DGCR2: variants seen among roughly 807,000 people sequenced by gnomAD.
DGCR2 encodes the protein DiGeorge syndrome critical region gene 2.
Under a neutral mutation model 51.6 loss-of-function variants are expected in DGCR2, and 24 were observed. That is an observed-to-expected ratio of 0.47 (90% confidence interval 0.34 to 0.65). DGCR2 has a LOEUF of 0.65. Among genes scored for constraint, DGCR2 ranks in the 30% least tolerant of loss-of-function variants. The pLI, the probability that DGCR2 is intolerant of heterozygous loss-of-function variation, is 0.01. For missense variants in DGCR2, 765 were observed against 772.1 expected, an observed-to-expected ratio of 0.99 and a Z score of 0.11; for synonymous variants, 340 against 315.4, an observed-to-expected ratio of 1.08 and a Z score of -0.82.
intron 5 of DGCR2, chr22:19,060,945 C>G: frequency 2.1e-6 from 1 of 468,038 alleles, no homozygotes; most frequent in Non-Finnish European, 4.3e-6. Context: ...TGGTATCACT[C>G]ACACCCCAAT....
chr22:19,116,340 T>G (rs2083373170), intron 1 of DGCR2, among the ~76,000 whole-genome samples: 1 of 152,238 alleles, frequency 6.6e-6, no homozygotes, highest in South Asian at 2.1e-4. Flanking sequence ...GCCCGCCATG[T>G]CCACACTGAC....
Position 19,065,017 on chromosome 22 carries a change from T to G in DGCR2, c.379A>C (p.Ser127Arg). 6.2e-7 allele frequency: 1 copy of G among 1,614,092 alleles called. No individual in the cohort carries two copies. The highest frequency in any genetic ancestry group is 8.5e-7 in the Non-Finnish European group (1 of 1,180,044). Reference protein sequence around the residue: ...TGWHHYEGTASCYRVYLSGEN... With the variant: ...TGWHHYEGTARCYRVYLSGEN... The stretch of plus-strand genomic sequence containing the variant: ...CCGCTCAGGTAGACCCGGTAGCAGC[T>G]GGCCGTGCCTTCGTAGTGGTGCCAC... Residue 127 changes from serine to arginine, a missense_variant, in exon 4 of 10, where the codon AGC becomes CGC. Physicochemically the swap from Ser to Arg is moderately radical, Grantham distance 110 (BLOSUM62 -1). This residue lies in a region of DGCR2 where 370 missense variants were observed against 325.5 expected (regional missense o/e 1.14). Transcript: ENST00000263196.
At chr22:19,048,702 G>T in intron 6 of DGCR2, 59 bp from the exon 7 acceptor site, 1 of 1,568,344 alleles carries the variant, frequency 6.4e-7, no homozygotes, top group South Asian at 1.1e-5. Flanking sequence ...TAGCCTCCCC[G>T]TGTGGGCCAC....
chr22:19,084,734 G>A (rs112566348), intron 2 of DGCR2, among the ~76,000 whole-genome samples: 15,700 of 133,164 alleles, frequency 0.12, 2,253 homozygotes, highest in African/African-American at 0.29. Context: ...GCCCCCGCCC[G>A]GCCAGCCGCC....
chr22:19,093,629 C>G (rs5746656), intron 1 of DGCR2, among the ~76,000 whole-genome samples: 1 of 152,134 alleles, frequency 6.6e-6, no homozygotes, highest in African/African-American at 2.4e-5. Flanking sequence ...AATCATGTAT[C>G]TGATAAAGGG....
rs528955884 is a variant in DGCR2, at chr22:19,049,437, A to G, written c.803-794T>C. 5.6e-4 allele frequency among the ~76,000 whole-genome samples: 86 copies of G among 152,308 alleles called. No individual in the cohort carries two copies. In the South Asian group the frequency reaches 0.018, roughly 31 times the overall value. ...CACCCTCAGTGAAAGGCAAAGAGAC[A>G]TGAGAAGGTAGCTTCTTACAGTCTC... On this transcript the variant is annotated intron_variant, in intron 6 of 9. Coordinates refer to ENST00000263196, the MANE Select transcript of DGCR2 (RefSeq NM_005137.3).
At chr22:19,102,599 G>A (rs914046510) in intron 1 of DGCR2, among the ~76,000 whole-genome samples, 21 of 152,182 alleles carry the variant, frequency 1.4e-4, no homozygotes, top group Admixed American at 3.3e-4. Flanking sequence ...CTACTCAGGA[G>A]GCTGAGGCAG....
intron 2 of DGCR2, among the ~76,000 whole-genome samples, chr22:19,082,372 T>C (rs1305314780): frequency 6.6e-6 from 1 of 152,024 alleles, no homozygotes; most frequent in Non-Finnish European, 1.5e-5. Context: ...TTGGTGTCTT[T>C]CAATAAACGA....
chr22:19,119,561 C>T (rs2083409044), intron 1 of DGCR2, among the ~76,000 whole-genome samples: 2 of 152,056 alleles, frequency 1.3e-5, no homozygotes, highest in Admixed American at 6.5e-5. Flanking sequence ...CATGGCAAAA[C>T]CCCATCTCTA....
intron 2 of DGCR2, among the ~76,000 whole-genome samples, chr22:19,073,027 CAGG>C (rs1601234911): frequency 6.6e-6 from 1 of 152,206 alleles, no homozygotes; most frequent in South Asian, 2.1e-4. Flanking sequence ...GAGGCTGAGG[CAGG>C]AGGATTGCTT....
chr22:19,094,685 A>G (rs1326888584), intron 1 of DGCR2, among the ~76,000 whole-genome samples: 1 of 152,240 alleles, frequency 6.6e-6, no homozygotes, highest in Non-Finnish European at 1.5e-5. Flanking sequence ...CCACACAAAG[A>G]CTTGTTCATA....
intron 5 of DGCR2, among the ~76,000 whole-genome samples, chr22:19,058,747 A>C (rs1313352242): frequency 1.3e-5 from 2 of 152,226 alleles, no homozygotes; most frequent in Non-Finnish European, 2.9e-5. Context: ...CTCTCCGGGC[A>C]GAGTCCTGGG....
At chr22:19,062,782 C>CATTCTCTCTCAT (rs746311945) in intron 5 of DGCR2, among the ~76,000 whole-genome samples, 3 of 135,360 alleles carry the variant, frequency 2.2e-5, no homozygotes, top group Admixed American at 7.8e-5. Flanking sequence ...CATGCTCACT[C>CATTCTCTCTCAT]TCTCTCTCTC....
intron 6 of DGCR2, 107 bp downstream of exon 6, chr22:19,056,879 G>A (rs1046305149): frequency 6.2e-6 from 8 of 1,291,780 alleles, no homozygotes; most frequent in South Asian, 1.5e-5. Context: ...GGCGTCCACC[G>A]CAACACTGCA....
intron 2 of DGCR2, among the ~76,000 whole-genome samples, chr22:19,078,075 C>T (rs959950872): frequency 1.3e-5 from 2 of 152,104 alleles, no homozygotes; most frequent in South Asian, 2.1e-4. Flanking sequence ...GTGATCCACC[C>T]GCCTTGGCCT....
intron 2 of DGCR2, among the ~76,000 whole-genome samples, chr22:19,070,908 A>T (rs1455907855): frequency 2.0e-5 from 3 of 152,226 alleles, no homozygotes; most frequent in African/African-American, 7.2e-5. Context: ...TGTCAAGATG[A>T]TGCTGATGTC....
At chr22:19,068,028 G>C in intron 3 of DGCR2, 72 bp downstream of exon 3, 1 of 1,478,132 alleles carries the variant, frequency 6.8e-7, no homozygotes, top group Non-Finnish European at 8.9e-7. Context: ...CAGCACAGTA[G>C]TGCTGGAAAG....
chr22:19,108,786 C>T (rs1009623861), intron 1 of DGCR2, among the ~76,000 whole-genome samples: 2 of 150,032 alleles, frequency 1.3e-5, no homozygotes, highest in African/African-American at 2.5e-5. Flanking sequence ...CTTTGGGAGG[C>T]GGAGGTGGGA....
chr22:19,087,096 G>A (rs1157312268), intron 2 of DGCR2, among the ~76,000 whole-genome samples: 1 of 152,218 alleles, frequency 6.6e-6, no homozygotes, highest in African/African-American at 2.4e-5. Flanking sequence ...CACTCTATGA[G>A]TCAGACAAGG....
Sources: gnomAD v4.1 joint callset for allele counts (sites outside exome capture counted in the v4.1 genomes callset) on GRCh38, gnomAD v4.1.1 for gene constraint, gnomAD v4.1.1 regional missense constraint, MANE v1.5 for transcripts, NCBI Gene and HGNC (gene_info 2026-07-23, HGNC 2026-07-21) for gene names.